Variants in INPP5A observed in about 807,000 individuals in gnomAD.
INPP5A encodes 43 kDa inositol polyphosphate 5-phophatase.
INPP5A carries 14 observed loss-of-function variants against 65.2 expected under a neutral mutation model. That is an observed-to-expected ratio of 0.21 (90% CI 0.14 to 0.34). The LOEUF is 0.34. Among genes scored for constraint, INPP5A ranks in the 10% least tolerant of loss-of-function variants. The pLI is 1.00. For missense variants in INPP5A, 431 were observed against 545.6 expected, an observed-to-expected ratio of 0.79 and a Z score of 2.09; for synonymous variants, 207 against 208.3, an observed-to-expected ratio of 0.99 and a Z score of 0.05.
At chr10:132,776,874 G>A (rs1272927149) in intron 12 of INPP5A, among the ~76,000 whole-genome samples, 2 of 152,280 alleles carry the variant, frequency 1.3e-5, no homozygotes, top group African/African-American at 4.8e-5. Context: ...TGATCAGTCC[G>A]TGTGTGCGTG....
At chr10:132,565,598 T>C (rs1300957544) in intron 1 of INPP5A, among the ~76,000 whole-genome samples, 2 of 152,228 alleles carry the variant, frequency 1.3e-5, no homozygotes, top group Non-Finnish European at 2.9e-5. Flanking sequence ...TTTGTGCATG[T>C]ATGTCACTGT....
intron 2 of INPP5A, among the ~76,000 whole-genome samples, chr10:132,645,028 C>G (rs2072475108): frequency 6.6e-6 from 1 of 152,212 alleles, no homozygotes; most frequent in Admixed American, 6.5e-5. Flanking sequence ...GCCCGCGCGT[C>G]CTCTCAGAGC....
chr10:132,725,196 T>C (rs1347701606), intron 8 of INPP5A, among the ~76,000 whole-genome samples: 1 of 152,216 alleles, frequency 6.6e-6, no homozygotes, highest in Non-Finnish European at 1.5e-5. Context: ...TTTAAAAATA[T>C]TGAGGGTGTG....
intron 14 of INPP5A, 57 bp from the exon 15 acceptor site, chr10:132,781,804 A>G: frequency 1.4e-6 from 2 of 1,416,348 alleles, no homozygotes; most frequent in South Asian, 1.1e-5. Context: ...AGGCGGCGGC[A>G]TGTGCTGTGC....
intron 1 of INPP5A, among the ~76,000 whole-genome samples, chr10:132,585,446 A>T (rs377050199): frequency 3.9e-5 from 6 of 152,300 alleles, no homozygotes; most frequent in Admixed American, 2.0e-4. Flanking sequence ...GTTATTATTT[A>T]TCTCTTACTG....
intron 4 of INPP5A, among the ~76,000 whole-genome samples, chr10:132,683,603 A>G (rs1417162095): frequency 5.9e-5 from 9 of 152,268 alleles, no homozygotes; most frequent in Admixed American, 5.2e-4. Flanking sequence ...TCTCTGACAC[A>G]CTTGCTCAGT....
intron 4 of INPP5A, among the ~76,000 whole-genome samples, chr10:132,664,726 C>T (rs1202152775): frequency 6.6e-6 from 1 of 152,212 alleles, no homozygotes; most frequent in African/African-American, 2.4e-5. Context: ...TGCACCTTGC[C>T]ATTTGGCTTG....
chr10:132,614,682 G>A (rs761073907), intron 2 of INPP5A, among the ~76,000 whole-genome samples: 2 of 152,234 alleles, frequency 1.3e-5, no homozygotes, highest in African/African-American at 2.4e-5. Context: ...AATGCTTATG[G>A]CCCCTCCCAC....
chr10:132,613,189 G>A (rs1206186168), intron 2 of INPP5A, among the ~76,000 whole-genome samples: 1 of 152,212 alleles, frequency 6.6e-6, no homozygotes, highest in Non-Finnish European at 1.5e-5. Context: ...AGTGGTGCTG[G>A]AAGTGAGTTC....
intron 11 of INPP5A, among the ~76,000 whole-genome samples, chr10:132,765,457 C>G (rs1846825288): frequency 6.6e-6 from 1 of 152,194 alleles, no homozygotes; most frequent in South Asian, 2.1e-4. Context: ...GGAGGAGAGG[C>G]CGAGAGGGGC....
chr10:132,555,422 G>A lies in INPP5A; in HGVS notation c.75+17251G>A, dbSNP rs948976830. ...TGAACTTCTGATAAGTTGCCTGGCC[G>A]GAAGGGGAAGAAGGGGGGCTTGGGC... On this transcript the variant is annotated intron_variant, in intron 1 of 15. Transcript: ENST00000368594. The surrounding 1 kb of genome is among the most constrained non-coding windows in gnomAD (Gnocchi z 4.4). 2.8e-4 allele frequency among the ~76,000 whole-genome samples: 43 copies of A among 152,176 alleles called. No homozygotes were observed. Among genetic ancestry groups the A allele is most frequent in the Admixed American group, 2.5e-3 (38 of 15,294 alleles).
intron 9 of INPP5A, among the ~76,000 whole-genome samples, chr10:132,748,224 G>A (rs1483562141): frequency 2.0e-5 from 3 of 151,726 alleles, no homozygotes; most frequent in Non-Finnish European, 4.4e-5. Flanking sequence ...CTGTCTCTCC[G>A]ACTTCGCCAT....
intron 4 of INPP5A, among the ~76,000 whole-genome samples, chr10:132,672,802 G>A (rs1275636885): frequency 3.9e-5 from 6 of 152,042 alleles, no homozygotes; most frequent in African/African-American, 4.8e-5. Flanking sequence ...TGGACCCCAC[G>A]CCTTCCACGC....
chr10:132,664,415 C>T (rs1564955150), intron 4 of INPP5A, among the ~76,000 whole-genome samples: 1 of 152,272 alleles, frequency 6.6e-6, no homozygotes, highest in Non-Finnish European at 1.5e-5. Flanking sequence ...TTTTATGTCA[C>T]AGCCTGCCCA....
chr10:132,717,403 C>T (rs1845759805), intron 8 of INPP5A, among the ~76,000 whole-genome samples: 1 of 151,442 alleles, frequency 6.6e-6, no homozygotes, highest in African/African-American at 2.5e-5. Context: ...GTTGCTGTGA[C>T]TCCACCCAGT....
chr10:132,636,664 A>G (rs2072357145), intron 2 of INPP5A, among the ~76,000 whole-genome samples: 2 of 152,288 alleles, frequency 1.3e-5, no homozygotes, highest in East Asian at 1.9e-4. Context: ...TTGGTTATTT[A>G]TGGAAGAGAA....
intron 11 of INPP5A, among the ~76,000 whole-genome samples, chr10:132,759,061 G>A (rs965750100): frequency 2.6e-5 from 4 of 152,240 alleles, no homozygotes; most frequent in South Asian, 2.1e-4. Context: ...TTTTCTCCCC[G>A]AAGGCGGAGT....
chr10:132,717,216 C>T (rs1590950724), intron 8 of INPP5A, among the ~76,000 whole-genome samples: 1 of 152,242 alleles, frequency 6.6e-6, no homozygotes, highest in Non-Finnish European at 1.5e-5. Flanking sequence ...TTTACAAGGA[C>T]ACCCTTCCTC....
At position 132,678,965 on chromosome 10, in the gene INPP5A, G is replaced by A. The variant is rs1489956373; in HGVS notation, c.307-11427G>A. Among the ~76,000 whole-genome samples, 1 of 152,224 alleles carries A rather than the reference G, an allele frequency of 6.6e-6. No individual in the cohort carries two copies. Among genetic ancestry groups the A allele is most frequent in the African/African-American group, 2.4e-5 (1 of 41,458 alleles). On this transcript the variant is annotated intron_variant, in intron 4 of 15. Coordinates refer to ENST00000368594, the MANE Select transcript of INPP5A (RefSeq NM_005539.5). The surrounding 1 kb of genome is among the most constrained non-coding windows in gnomAD (Gnocchi z 4.1). ...TCAGGCCCAGATGGCCAATGGGGCT[G>A]GAGCTCTGTCAGCTGGGTGTGTGAG...
Sources: gnomAD v4.1 joint callset for allele counts (sites outside exome capture counted in the v4.1 genomes callset) on GRCh38, gnomAD v4.1.1 for gene constraint, Gnocchi (gnomAD v3.1) non-coding constraint, MANE v1.5 for transcripts, NCBI Gene and HGNC (gene_info 2026-07-23, HGNC 2026-07-21) for gene names.